Variants in MCC observed in about 807,000 individuals in gnomAD.
MCC encodes colorectal mutant cancer protein.
A neutral mutation model predicts 116.2 loss-of-function variants in MCC; 90 were observed. That is an observed-to-expected ratio of 0.77 (90% confidence interval 0.65 to 0.92). The LOEUF is 0.92. MCC is among the 40% of genes least tolerant of loss of function. MCC has a pLI of 0.00. For synonymous variants in MCC, 578 were observed against 510.5 expected (o/e 1.13, Z -1.78); for missense variants, 1,516 against 1,312.2 (o/e 1.16, Z -2.40).
At position 113,220,057 on chromosome 5, in the gene MCC, C is replaced by CTTTTTTTTTTT. The variant is rs1229213218; in HGVS notation, c.628-68636_628-68635insAAAAAAAAAAA. The stretch of plus-strand genomic sequence containing the variant: ...AACTTTGGAATCTGCATGTCAATTT[C>CTTTTTTTTTTT]TTTTTCTTTTTTTTTTTTGAGACGG... On this transcript the variant is annotated intron_variant, in intron 3 of 18. Transcript: ENST00000408903. 3.6e-3 allele frequency among the ~76,000 whole-genome samples: 287 copies of CTTTTTTTTTTT among 79,486 alleles called. 83 individuals carry two copies. Among genetic ancestry groups the CTTTTTTTTTTT allele is most frequent in the Middle Eastern group, 0.019 (2 of 104 alleles). The allele number at this position is 79,486 out of a possible 152,430, so 52.1% of individuals were successfully genotyped here.
intron 3 of MCC, among the ~76,000 whole-genome samples, chr5:113,172,678 T>TATAGA (rs1268961006): frequency 1.3e-5 from 2 of 152,198 alleles, no homozygotes; most frequent in African/African-American, 4.8e-5. Context: ...AACAGCCAAT[T>TATAGA]ATAGAATGTG....
At chr5:113,197,112 C>T (rs1158625936) in intron 3 of MCC, among the ~76,000 whole-genome samples, 1 of 152,136 alleles carries the variant, frequency 6.6e-6, no homozygotes, top group Non-Finnish European at 1.5e-5. Flanking sequence ...CTTTTTGGAG[C>T]CAGGGAGCTG....
At chr5:113,183,657 C>T (rs1221614857) in intron 3 of MCC, among the ~76,000 whole-genome samples, 1 of 152,090 alleles carries the variant, frequency 6.6e-6, no homozygotes, top group Non-Finnish European at 1.5e-5. Context: ...GTCTCATACG[C>T]AGAGAGAGTT....
chr5:113,055,816 CT>C (rs1268253417), intron 14 of MCC, among the ~76,000 whole-genome samples: 21 of 152,182 alleles, frequency 1.4e-4, no homozygotes, highest in Non-Finnish European at 3.1e-4. Flanking sequence ...AATCAAGAGA[CT>C]ACAGGGAGAC....
At chr5:113,104,123 C>T in intron 7 of MCC, 69 bp downstream of exon 7, 1 of 1,441,584 alleles carries the variant, frequency 6.9e-7, no homozygotes, top group Non-Finnish European at 9.3e-7. Context: ...AACTGCACTT[C>T]AAGAGAAGGA....
In MCC at chr5:113,347,777, G is replaced by C. The variant is rs114796688; in HGVS notation, c.416-7047C>G. On this transcript the variant is annotated intron_variant, in intron 2 of 18. Coordinates refer to ENST00000408903, the MANE Select transcript of MCC (RefSeq NM_001085377.2). The stretch of plus-strand genomic sequence containing the variant: ...AACTAAACTCTATAATGAAAAGACA[G>C]AGTGCCTAAATGGATAAAAAAGCAA... Among the ~76,000 whole-genome samples, 1,368 of 145,234 alleles carry C rather than the reference G, an allele frequency of 9.4e-3. 29 individuals carry two copies. The highest frequency in any genetic ancestry group is 0.035 in the African/African-American group (1,328 of 38,272).
At chr5:113,217,729 C>T (rs1039137628) in intron 3 of MCC, among the ~76,000 whole-genome samples, 2 of 152,146 alleles carry the variant, frequency 1.3e-5, no homozygotes, top group Non-Finnish European at 2.9e-5. Flanking sequence ...ATGACTATGA[C>T]GGATGGCCAG....
intron 3 of MCC, among the ~76,000 whole-genome samples, chr5:113,338,375 G>C (rs1424479109): frequency 6.6e-6 from 1 of 152,184 alleles, no homozygotes. Context: ...AGCCAACTTA[G>C]AGAACCTGGC....
intron 6 of MCC, among the ~76,000 whole-genome samples, chr5:113,109,521 C>T (rs141738932): frequency 2.0e-5 from 3 of 152,042 alleles, no homozygotes; most frequent in African/African-American, 4.8e-5. Flanking sequence ...TATTGCTTAA[C>T]GGGTACAGAG....
chr5:113,141,388 A>G (rs958811982), intron 5 of MCC, among the ~76,000 whole-genome samples: 1 of 152,218 alleles, frequency 6.6e-6, no homozygotes, highest in Non-Finnish European at 1.5e-5. Flanking sequence ...CTCAGACTCC[A>G]TAATCACATG....
intron 3 of MCC, among the ~76,000 whole-genome samples, chr5:113,198,878 G>T (rs1762551733): frequency 6.6e-6 from 1 of 152,006 alleles, no homozygotes; most frequent in South Asian, 2.1e-4. Flanking sequence ...GTTGGGGGTG[G>T]GCTCACAAGG....
At chr5:113,329,364 G>A (rs1473020587) in intron 3 of MCC, among the ~76,000 whole-genome samples, 2 of 142,880 alleles carry the variant, frequency 1.4e-5, no homozygotes, top group African/African-American at 2.7e-5. Flanking sequence ...GAGTAAAGAT[G>A]GTGAATAAAC....
intron 1 of MCC, among the ~76,000 whole-genome samples, chr5:113,405,631 C>T (rs1769809509): frequency 2.0e-5 from 3 of 151,664 alleles, no homozygotes; most frequent in Admixed American, 1.3e-4. Context: ...CCCCCAACCC[C>T]GATCTCTACA....
chr5:113,261,442 C>CTG (rs1214330409), intron 3 of MCC, among the ~76,000 whole-genome samples: 3 of 152,138 alleles, frequency 2.0e-5, no homozygotes, highest in Non-Finnish European at 2.9e-5. Flanking sequence ...ATGGTATCAG[C>CTG]TGTGCTTCAA....
intron 5 of MCC, among the ~76,000 whole-genome samples, chr5:113,139,027 T>C (rs1386589878): frequency 1.3e-5 from 2 of 152,138 alleles, no homozygotes; most frequent in African/African-American, 4.8e-5. Flanking sequence ...CTAGTAAAAC[T>C]TTAGTAGGCT....
intron 16 of MCC, among the ~76,000 whole-genome samples, chr5:113,046,708 A>AG (rs1752108105): frequency 8.0e-6 from 1 of 125,072 alleles, no homozygotes; most frequent in Non-Finnish European, 1.7e-5. Flanking sequence ...AAAAAAAAAA[A>AG]AAAGAGAGAG....
chr5:113,143,647 CA>C (rs1281300639), intron 4 of MCC, among the ~76,000 whole-genome samples: 1 of 152,186 alleles, frequency 6.6e-6, no homozygotes, highest in Non-Finnish European at 1.5e-5. Context: ...TCAAGTCCCC[CA>C]CTTTCCCGTA....
chr5:113,413,665 C>T (rs1167287502), intron 1 of MCC, among the ~76,000 whole-genome samples: 1 of 151,918 alleles, frequency 6.6e-6, no homozygotes, highest in Non-Finnish European at 1.5e-5. Flanking sequence ...TCTCTCTTTT[C>T]TTCTTTATTA....
chr5:113,374,535 C>T (rs1768934359), intron 2 of MCC, among the ~76,000 whole-genome samples: 1 of 152,186 alleles, frequency 6.6e-6, no homozygotes, highest in Non-Finnish European at 1.5e-5. Flanking sequence ...GACAGACCGA[C>T]TTACGCCCGA....
Sources: allele counts gnomAD v4.1 joint callset (sites outside exome capture counted in the v4.1 genomes callset), GRCh38; gene constraint gnomAD v4.1.1; transcripts MANE v1.5; gene names NCBI Gene and HGNC (gene_info 2026-07-23, HGNC 2026-07-21).